MATN2: variants seen among roughly 807,000 people sequenced by gnomAD.
MATN2 encodes the protein matrilin-2.
A neutral mutation model predicts 103.2 loss-of-function variants in MATN2; 69 were observed. That is an observed-to-expected ratio of 0.67 (90% CI 0.55 to 0.82). MATN2 has a LOEUF of 0.82. Ranked by LOEUF, MATN2 falls within the 40% of genes least tolerant of loss-of-function variation. MATN2 has a pLI of 0.00. For synonymous variants in MATN2, 429 were observed against 450.2 expected (o/e 0.95, Z 0.60); for missense variants, 1,023 against 1,211.5 (o/e 0.84, Z 2.31).
rs892958155 is a variant in MATN2 at position 97,933,291 on chromosome 8, C to T, written c.712+1769C>T. Among the ~76,000 whole-genome samples, 5 of 152,204 alleles carry T rather than the reference C, an allele frequency of 3.3e-5. No individual in the cohort carries two copies. The East Asian group carries it at 7.7e-4, about 23-fold the overall frequency. On this transcript the variant is annotated intron_variant, in intron 3 of 18. Coordinates refer to ENST00000254898, the MANE Select transcript of MATN2 (RefSeq NM_002380.5). ...GGAACACTTCAATCAGCAGAACACA[C>T]TGCAAACATTTTCAAGGTTTATGAC... is the stretch of plus-strand genomic sequence containing the variant.
chr8:98,033,791 G>C (rs1814135216), intron 18 of MATN2, 132 bp downstream of exon 18: 3 of 673,722 alleles, frequency 4.5e-6, no homozygotes, highest in Non-Finnish European at 4.9e-6. Context: ...TCCAGGAAAG[G>C]CTTTTTGCTT....
At chr8:97,907,732 A>G (rs1471456822) in intron 2 of MATN2, among the ~76,000 whole-genome samples, 1 of 152,184 alleles carries the variant, frequency 6.6e-6, no homozygotes, top group Non-Finnish European at 1.5e-5. Context: ...GAGGATAATA[A>G]TGATACCTCC....
At chr8:97,886,063 G>A (rs1479439036) in intron 1 of MATN2, among the ~76,000 whole-genome samples, 4 of 152,050 alleles carry the variant, frequency 2.6e-5, no homozygotes, top group Admixed American at 2.6e-4. Context: ...TTAAATTGCT[G>A]CTGCACAAAT....
Position 98,007,246 on chromosome 8 carries a change from C to T in MATN2, c.1450+19C>T, listed in dbSNP as rs745851360. 3.1e-6 allele frequency: 5 copies of T among 1,613,432 alleles called. No individual in the cohort carries two copies. The highest frequency in any genetic ancestry group is 3.5e-4 in the Middle Eastern group (2 of 5,792). ...TGCTCCCGTGAGTCCCTCCGCGCTC[C>T]TCTCATAGGGGAAGGTTTGCACCAG... On this transcript the variant is annotated intron_variant, in intron 9 of 18. Transcript: ENST00000254898. This position sits in a 1 kb window ranked among gnomAD's most constrained non-coding sequence, Gnocchi z 4.2.
chr8:97,943,806 C>T (rs956406252), intron 4 of MATN2, among the ~76,000 whole-genome samples: 5 of 152,218 alleles, frequency 3.3e-5, no homozygotes, highest in African/African-American at 9.6e-5. Flanking sequence ...TCATGTCCCA[C>T]TGAGTGACTG....
intron 1 of MATN2, 110 bp from the exon 2 acceptor site, chr8:97,887,965 A>AGTG (rs1408403926): frequency 2.0e-6 from 2 of 995,894 alleles, no homozygotes; most frequent in Non-Finnish European, 2.9e-6. Flanking sequence ...TTTGAGTGCA[A>AGTG]GTGGTCTGTT....
Position 98,032,273 on chromosome 8 carries a change from A to T in MATN2, c.2537A>T (p.Asp846Val). The change falls in exon 16 of 19, where the codon GAC (aspartate) becomes GTC (valine). Residue 846 changes from aspartate to valine, a missense_variant. Transcript: ENST00000254898. ...EALEDSDGRQ[D>V]SPAGELPKTV... Reference sequence around the variant, plus strand: ...CTAGAAGACTCCGATGGAAGACAGGACTCTCCAGCAGGGGAACTGCCAAAA... The same window carrying T: ...CTAGAAGACTCCGATGGAAGACAGGTCTCTCCAGCAGGGGAACTGCCAAAA... 6.2e-7 allele frequency: 1 copy of T among 1,611,960 alleles called. No individual in the cohort carries two copies. Among genetic ancestry groups the T allele is most frequent in the Non-Finnish European group, 8.5e-7 (1 of 1,179,024 alleles).
intron 5 of MATN2, among the ~76,000 whole-genome samples, chr8:97,961,860 T>C (rs759233592): frequency 2.4e-4 from 36 of 152,334 alleles, no homozygotes; most frequent in Admixed American, 1.5e-3. Context: ...GCCTGACTTA[T>C]ATATAGCTCA....
At chr8:97,987,560 A>G (rs1035255419) in intron 6 of MATN2, among the ~76,000 whole-genome samples, 1 of 152,196 alleles carries the variant, frequency 6.6e-6, no homozygotes, top group African/African-American at 2.4e-5. Flanking sequence ...CCTGTTCTTC[A>G]TAAAATTATC....
At position 98,036,077 on chromosome 8, in the gene MATN2, C is replaced by T. The variant is rs1814240142; in HGVS notation, c.*365C>T. The T allele has an allele frequency of 1.1e-5, 2 of 175,020 alleles. No individual in the cohort carries two copies. The highest frequency in any genetic ancestry group is 2.4e-5 in the Non-Finnish European group (2 of 83,278). 10.8% of individuals were successfully genotyped at this position (175,020 alleles called of 1,614,324 possible). A position where few individuals can be genotyped will look rare whatever the true frequency, so the allele number is the denominator to read the frequency against. On this transcript the variant is annotated 3_prime_UTR_variant, in exon 19 of 19. Transcript: ENST00000254898. ...AGTCTTACTTCTGTAGAACACTGGCCATAGGAAATGCTGTTTTTTTGTACT... is the reference window on the plus strand; with the variant it reads ...AGTCTTACTTCTGTAGAACACTGGCTATAGGAAATGCTGTTTTTTTGTACT...
intron 3 of MATN2, among the ~76,000 whole-genome samples, chr8:97,933,046 G>A (rs1810250130): frequency 1.3e-5 from 2 of 152,144 alleles, no homozygotes; most frequent in African/African-American, 4.8e-5. Context: ...TGCTTTTGAT[G>A]TGTATTAAAC....
intron 1 of MATN2, among the ~76,000 whole-genome samples, chr8:97,879,126 C>T (rs1818170139): frequency 6.6e-6 from 1 of 152,146 alleles, no homozygotes; most frequent in African/African-American, 2.4e-5. Flanking sequence ...CAGCAGACAA[C>T]AAACCCATTG....
chr8:97,900,349 A>G (rs1818937655), intron 2 of MATN2, among the ~76,000 whole-genome samples: 1 of 152,190 alleles, frequency 6.6e-6, no homozygotes, highest in African/African-American at 2.4e-5. Context: ...AACAAGATGA[A>G]TGGATGCTTC....
chr8:97,951,690 C>T (rs563506174), intron 4 of MATN2, among the ~76,000 whole-genome samples: 1 of 152,250 alleles, frequency 6.6e-6, no homozygotes, highest in East Asian at 1.9e-4. Context: ...AATGTGACAA[C>T]GGTTTGGAAA....
At chr8:97,896,205 A>G (rs1028314966) in intron 2 of MATN2, among the ~76,000 whole-genome samples, 3 of 152,208 alleles carry the variant, frequency 2.0e-5, no homozygotes, top group African/African-American at 7.2e-5. Flanking sequence ...AATGATTTCA[A>G]TCTTGATTAA....
intron 4 of MATN2, chr8:97,951,860 T>A (rs1465946569): frequency 6.6e-6 from 1 of 152,110 alleles, no homozygotes; most frequent in Non-Finnish European, 1.5e-5. Context: ...ATCTTGTTAG[T>A]GAACAGGAGA....
chr8:97,951,351 A>G (rs534200940), intron 4 of MATN2, among the ~76,000 whole-genome samples: 3 of 152,182 alleles, frequency 2.0e-5, no homozygotes, highest in African/African-American at 2.4e-5. Flanking sequence ...AAAAATGTAC[A>G]TATCAGGGGA....
At chr8:98,031,164 C>T (rs528342290) in intron 15 of MATN2, among the ~76,000 whole-genome samples, 1 of 152,074 alleles carries the variant, frequency 6.6e-6, no homozygotes, top group Admixed American at 6.6e-5. Flanking sequence ...AAGTGAAACC[C>T]TGTCTCTGAA....
chr8:98,035,891 T>C lies in MATN2; in HGVS notation c.*179T>C. 2.4e-6 allele frequency: 1 copy of C among 413,788 alleles called. No homozygotes were observed. The highest frequency in any genetic ancestry group is 4.3e-6 in the Non-Finnish European group (1 of 230,058). 25.6% of individuals were successfully genotyped at this position (413,788 alleles called of 1,614,324 possible). On this transcript the variant is annotated 3_prime_UTR_variant, in exon 19 of 19. Coordinates refer to ENST00000254898, the MANE Select transcript of MATN2 (RefSeq NM_002380.5). ...AGAAGTATACACTAACTTGTATAAA[T>C]TTATCTAGGAAAAAAATCCTTCAGA...
Sources: gnomAD v4.1 joint callset for allele counts (sites outside exome capture counted in the v4.1 genomes callset) on GRCh38, gnomAD v4.1.1 for gene constraint, Gnocchi (gnomAD v3.1) non-coding constraint, MANE v1.5 for transcripts, NCBI Gene and HGNC (gene_info 2026-07-23, HGNC 2026-07-21) for gene names.